PRKAG2: variants seen among roughly 807,000 people sequenced by gnomAD.
PRKAG2 encodes 5'-AMP-activated protein kinase subunit gamma-2.
Under a neutral mutation model 69.6 loss-of-function variants are expected in PRKAG2, and 26 were observed. The observed-to-expected ratio is 0.37, with a 90% CI of 0.27 to 0.52. PRKAG2 has a LOEUF of 0.52. PRKAG2 is among the 20% of genes least tolerant of loss of function. The probability of loss-of-function intolerance (pLI) is 0.90; values close to 1 mark genes in which losing one functional copy is unlikely to be tolerated. For missense variants in PRKAG2, 557 were observed against 740.0 expected, an observed-to-expected ratio of 0.75 and a Z score of 2.87; for synonymous variants, 293 against 285.0, an observed-to-expected ratio of 1.03 and a Z score of -0.28.
chr7:151,742,501 G>A (rs2073964223), intron 3 of PRKAG2, among the ~76,000 whole-genome samples: 1 of 152,064 alleles, frequency 6.6e-6, no homozygotes, highest in Non-Finnish European at 1.5e-5. Flanking sequence ...GTGCGCACCT[G>A]TAGTCCCCGC....
intron 3 of PRKAG2, among the ~76,000 whole-genome samples, chr7:151,688,623 A>C (rs1020049675): frequency 1.3e-5 from 2 of 152,164 alleles, no homozygotes; most frequent in African/African-American, 4.8e-5. Context: ...GGATTCGGAC[A>C]CTGCTTGCCG....
chr7:151,779,179 T>C (rs75369413), intron 3 of PRKAG2, among the ~76,000 whole-genome samples: 2,176 of 152,296 alleles, frequency 0.014, 56 homozygotes, highest in African/African-American at 0.049. Context: ...CTTTAAGAAA[T>C]TGATATGGTT....
intron 5 of PRKAG2, among the ~76,000 whole-genome samples, chr7:151,598,254 A>G: frequency 6.6e-6 from 1 of 152,222 alleles, no homozygotes; most frequent in South Asian, 2.1e-4. Flanking sequence ...AAACAAGCTG[A>G]TCTCACAGGA....
intron 5 of PRKAG2, among the ~76,000 whole-genome samples, chr7:151,602,907 G>A (rs185019322): frequency 2.6e-5 from 4 of 152,264 alleles, no homozygotes; most frequent in East Asian, 3.9e-4. Context: ...GCCTCTTCCC[G>A]TTCAGCCATG....
intron 3 of PRKAG2, among the ~76,000 whole-genome samples, chr7:151,698,594 C>A (rs1157771955): frequency 1.3e-5 from 2 of 152,118 alleles, no homozygotes; most frequent in East Asian, 1.9e-4. Flanking sequence ...CCATGTGACA[C>A]CTCAGCTCCC....
chr7:151,650,685 G>A (rs548464565), intron 4 of PRKAG2, among the ~76,000 whole-genome samples: 42 of 152,318 alleles, frequency 2.8e-4, no homozygotes, highest in African/African-American at 9.9e-4. Context: ...TGTCAGCACC[G>A]TGGCAAATTC....
intron 15 of PRKAG2, 176 bp from the exon 16 acceptor site, chr7:151,557,408 G>C (rs543357683): frequency 2.0e-6 from 2 of 985,126 alleles, no homozygotes; most frequent in African/African-American, 1.7e-5. Context: ...CCAATCGTTC[G>C]GGCAGCTTGG....
At chr7:151,758,702 G>T (rs1490607036) in intron 3 of PRKAG2, among the ~76,000 whole-genome samples, 1 of 152,158 alleles carries the variant, frequency 6.6e-6, no homozygotes, top group Non-Finnish European at 1.5e-5. Context: ...GAAGAGCTTG[G>T]GAAAATAAGA....
chr7:151,618,481 G>T (rs931996049), intron 5 of PRKAG2, among the ~76,000 whole-genome samples: 15 of 144,524 alleles, frequency 1.0e-4, no homozygotes, highest in Non-Finnish European at 4.4e-5. Context: ...AATAAAATAG[G>T]CCGGGTGTGG....
At position 151,872,272 on chromosome 7, in the gene PRKAG2, C is replaced by T. The variant is rs561689666; in HGVS notation, c.114+4235G>A. Among the ~76,000 whole-genome samples, 8 of 152,226 alleles carry T rather than the reference C, an allele frequency of 5.3e-5. No homozygotes were observed. The South Asian group carries it at 1.0e-3, about 20-fold the overall frequency. Reference sequence around the variant, plus strand: ...TCATCACAGCTGCAGTTCAGGCCCTCGGACCCTTACCCTGGGGGGGGGCTT... The same window carrying T: ...TCATCACAGCTGCAGTTCAGGCCCTTGGACCCTTACCCTGGGGGGGGGCTT... On this transcript the variant is annotated intron_variant, in intron 1 of 15. Coordinates refer to ENST00000287878, the MANE Select transcript of PRKAG2 (RefSeq NM_016203.4).
At chr7:151,774,901 T>C (rs143945783) in intron 3 of PRKAG2, among the ~76,000 whole-genome samples, 5 of 152,356 alleles carry the variant, frequency 3.3e-5, no homozygotes, top group African/African-American at 1.2e-4. Context: ...TTAGATTCTA[T>C]GTTTGTCATG....
chr7:151,783,401 C>T (rs190607166), intron 2 of PRKAG2, among the ~76,000 whole-genome samples: 138 of 152,256 alleles, frequency 9.1e-4, no homozygotes, highest in Non-Finnish European at 1.6e-3. Context: ...AGTGCACTGG[C>T]GCAATCTCAG....
At chr7:151,658,661 A>G (rs1204379756) in intron 4 of PRKAG2, among the ~76,000 whole-genome samples, 1 of 152,318 alleles carries the variant, frequency 6.6e-6, no homozygotes, top group East Asian at 1.9e-4. Context: ...ACACACGCCG[A>G]AACAGTACAA....
At chr7:151,794,196 C>T (rs1322805852) in intron 1 of PRKAG2, among the ~76,000 whole-genome samples, 2 of 152,210 alleles carry the variant, frequency 1.3e-5, no homozygotes, top group Non-Finnish European at 2.9e-5. Context: ...CCTGCTCCAC[C>T]GTATTCCCAG....
chr7:151,785,691 G>T lies in PRKAG2; in HGVS notation c.186+779C>A, dbSNP rs148877987. ...TAGCTCTGTCTGCTGTCACCTGCCG[G>T]AGGGGTCTGTGGGTGGCAGAATGCC... On this transcript the variant is annotated intron_variant, in intron 2 of 15. Transcript: ENST00000287878. 4.6e-5 allele frequency among the ~76,000 whole-genome samples: 7 copies of T among 152,326 alleles called. No individual in the cohort carries two copies. The East Asian group carries it at 9.6e-4, about 21-fold the overall frequency.
intron 1 of PRKAG2, among the ~76,000 whole-genome samples, chr7:151,812,403 C>T (rs923174609): frequency 2.6e-5 from 4 of 152,264 alleles, no homozygotes; most frequent in South Asian, 2.1e-4. Context: ...TTTGAAAGAG[C>T]GCTGTGAAGG....
intron 3 of PRKAG2, among the ~76,000 whole-genome samples, chr7:151,754,110 A>G (rs542955101): frequency 6.6e-6 from 1 of 152,346 alleles, no homozygotes; most frequent in Admixed American, 6.5e-5. Context: ...TGGGAGCATC[A>G]CCAAAGCAGG....
intron 5 of PRKAG2, among the ~76,000 whole-genome samples, chr7:151,620,319 TTC>T (rs1317725540): frequency 1.3e-5 from 2 of 152,042 alleles, no homozygotes; most frequent in Non-Finnish European, 2.9e-5. Flanking sequence ...AGGCAATTTC[TTC>T]TTTTTCTTTC....
At chr7:151,566,645 G>C (rs1356986031) in intron 11 of PRKAG2, 5 of 429,124 alleles carry the variant, frequency 1.2e-5, no homozygotes, top group Non-Finnish European at 2.3e-5. Context: ...TGAACAATTA[G>C]AAGAAACAAA....
Sources: gnomAD v4.1 joint callset for allele counts (sites outside exome capture counted in the v4.1 genomes callset) on GRCh38, gnomAD v4.1.1 for gene constraint, MANE v1.5 for transcripts, NCBI Gene and HGNC (gene_info 2026-07-23, HGNC 2026-07-21) for gene names.